Variants in PTPRM observed in about 807,000 individuals in gnomAD.
PTPRM encodes receptor-type tyrosine-protein phosphatase mu.
Under a neutral mutation model 186.7 loss-of-function variants are expected in PTPRM, and 47 were observed. The observed-to-expected ratio is 0.25, with a 90% confidence interval of 0.20 to 0.32. The LOEUF (loss-of-function observed/expected upper bound fraction) is 0.32. Ranked by LOEUF, PTPRM falls within the 10% of genes least tolerant of loss-of-function variation. PTPRM has a pLI of 1.00. For synonymous variants in PTPRM, 668 were observed against 674.9 expected, an observed-to-expected ratio of 0.99 and a Z score of 0.16; for missense variants, 1,494 against 1,865.0, an observed-to-expected ratio of 0.80 and a Z score of 3.66.
intron 7 of PTPRM, among the ~76,000 whole-genome samples, 169 bp downstream of exon 7, chr18:7,955,583 G>A (rs1279762773): frequency 6.6e-6 from 1 of 152,140 alleles, no homozygotes; most frequent in African/African-American, 2.4e-5. Context: ...TTGTGAACTT[G>A]GGGACCAGTA....
At chr18:7,977,616 A>G (rs887717477) in intron 7 of PTPRM, among the ~76,000 whole-genome samples, 8 of 152,192 alleles carry the variant, frequency 5.3e-5, no homozygotes, top group African/African-American at 1.9e-4. Context: ...CTTACTGCCC[A>G]TAATAAGAGA....
In PTPRM at chr18:7,567,757, C is replaced by T. The variant is rs1355486030; in HGVS notation, c.-62C>T. The T allele has an allele frequency of 4.9e-6, 7 of 1,431,760 alleles. No homozygotes were observed. Among genetic ancestry groups the T allele is most frequent in the Non-Finnish European group, 6.5e-6 (7 of 1,077,086 alleles). The allele number at this position is 1,431,760 out of a possible 1,614,324, so 88.7% of individuals were successfully genotyped here. On this transcript the variant is annotated 5_prime_UTR_variant, in exon 1 of 33. Coordinates refer to ENST00000580170, the MANE Select transcript of PTPRM (RefSeq NM_001105244.2). The surrounding 1 kb of genome is among the most constrained non-coding windows in gnomAD (Gnocchi z 4.3). The stretch of plus-strand genomic sequence containing the variant: ...TGCCTCGGAACCAAAGCTCCCGGCC[C>T]CCTCCGCCCTCGCGCGCCCACCCAC...
intron 8 of PTPRM, among the ~76,000 whole-genome samples, chr18:8,075,612 C>T (rs1486857136): frequency 6.6e-6 from 1 of 152,032 alleles, no homozygotes; most frequent in Non-Finnish European, 1.5e-5. Flanking sequence ...TGGCAAATGA[C>T]ATCTTCACTT....
At chr18:8,285,956 A>C (rs939718690) in intron 19 of PTPRM, among the ~76,000 whole-genome samples, 3 of 152,168 alleles carry the variant, frequency 2.0e-5, no homozygotes. Context: ...ACACCACTGC[A>C]CTCCAGCCTG....
At chr18:7,617,737 A>G (rs151208899) in intron 1 of PTPRM, among the ~76,000 whole-genome samples, 146 of 152,338 alleles carry the variant, frequency 9.6e-4, no homozygotes, top group African/African-American at 3.3e-3. Flanking sequence ...TTCCGCTGGT[A>G]TAAGCATTTC....
chr18:8,340,355 A>G (rs570250349), intron 22 of PTPRM, among the ~76,000 whole-genome samples: 6 of 152,138 alleles, frequency 3.9e-5, no homozygotes, highest in Admixed American at 1.3e-4. Flanking sequence ...TAATTTTAGC[A>G]TTGAAAAGAA....
intron 8 of PTPRM, among the ~76,000 whole-genome samples, chr18:8,074,031 G>A (rs551039468): frequency 2.2e-4 from 33 of 152,206 alleles, no homozygotes; most frequent in Non-Finnish European, 4.0e-4. Context: ...CAGAACCCGG[G>A]CCTCCCATAT....
intron 1 of PTPRM, among the ~76,000 whole-genome samples, chr18:7,643,824 T>C (rs1451951296): frequency 6.6e-6 from 1 of 152,214 alleles, no homozygotes; most frequent in African/African-American, 2.4e-5. Flanking sequence ...TCTCTTTTTC[T>C]TTTGACCATT....
At chr18:8,127,957 C>A (rs1175992603) in intron 13 of PTPRM, among the ~76,000 whole-genome samples, 2 of 152,122 alleles carry the variant, frequency 1.3e-5, no homozygotes, top group Non-Finnish European at 2.9e-5. Context: ...CATAAGCTTA[C>A]CAACACCTTG....
intron 1 of PTPRM, among the ~76,000 whole-genome samples, chr18:7,601,801 G>A (rs543570729): frequency 4.6e-5 from 7 of 152,264 alleles, no homozygotes; most frequent in African/African-American, 1.4e-4. Context: ...TGCTACACCC[G>A]GGTAACAGTA....
intron 5 of PTPRM, among the ~76,000 whole-genome samples, chr18:7,932,771 T>C (rs1432458064): frequency 6.6e-6 from 1 of 152,110 alleles, no homozygotes; most frequent in Admixed American, 6.5e-5. Context: ...TTATAAGTAA[T>C]GCACCAGAAT....
chr18:7,805,634 A>G (rs1320831581), intron 2 of PTPRM, among the ~76,000 whole-genome samples: 2 of 152,182 alleles, frequency 1.3e-5, no homozygotes, highest in African/African-American at 2.4e-5. Flanking sequence ...TTCTGTGTGC[A>G]GCTGTCTTAT....
At position 7,888,126 on chromosome 18, in the gene PTPRM, G is replaced by A. The variant is rs762068485; in HGVS notation, c.217G>A (p.Ala73Thr). 7.4e-6 allele frequency: 12 copies of A among 1,614,004 alleles called. No individual in the cohort carries two copies. Among genetic ancestry groups the A allele is most frequent in the South Asian group, 1.1e-5 (1 of 91,082 alleles). ...TGCAGGTTCTTTCATGCTGGTGAAT[G>A]CCTCTGGGAGACCTGAGGGGCAGAG... ...MPSGSFMLVN[A>T]SGRPEGQRAH... The change falls in exon 3 of 33, where the codon GCC (alanine) becomes ACC (threonine). Residue 73 changes from alanine (A) to threonine (T), a missense_variant. Physicochemically the swap from Ala to Thr is moderately conservative, Grantham distance 58. Around this residue, in one of 3 missense-constraint regions of PTPRM, gnomAD observed 296 missense variants for 345.5 expected, o/e 0.86. Coordinates refer to ENST00000580170, the MANE Select transcript of PTPRM (RefSeq NM_001105244.2).
intron 2 of PTPRM, among the ~76,000 whole-genome samples, chr18:7,803,086 T>G (rs1265617306): frequency 1.3e-5 from 2 of 152,088 alleles, no homozygotes; most frequent in African/African-American, 4.8e-5. Context: ...GGTGGGAGGA[T>G]GGGGAAAGGA....
chr18:8,208,533 A>G (rs1045172171), intron 14 of PTPRM, among the ~76,000 whole-genome samples: 1 of 151,668 alleles, frequency 6.6e-6, no homozygotes, highest in Non-Finnish European at 1.5e-5. Context: ...TTTTTTTTAA[A>G]CAGGGTCTCA....
intron 11 of PTPRM, among the ~76,000 whole-genome samples, chr18:8,093,460 T>C (rs1026452308): frequency 6.6e-6 from 1 of 152,178 alleles, no homozygotes; most frequent in Non-Finnish European, 1.5e-5. Context: ...AAATCTGATA[T>C]CATGAAAAAT....
intron 24 of PTPRM, among the ~76,000 whole-genome samples, chr18:8,372,282 G>T (rs982815364): frequency 2.8e-5 from 4 of 142,932 alleles, no homozygotes; most frequent in African/African-American, 1.1e-4. Flanking sequence ...CACCTTGTTA[G>T]CCAGGATGGT....
At chr18:7,691,068 A>G (rs982716380) in intron 1 of PTPRM, among the ~76,000 whole-genome samples, 2 of 152,162 alleles carry the variant, frequency 1.3e-5, no homozygotes, top group African/African-American at 4.8e-5. Context: ...CCACATCTCG[A>G]CTAAGTAATT....
At chr18:7,801,005 G>A (rs377117937) in intron 2 of PTPRM, among the ~76,000 whole-genome samples, 1 of 152,068 alleles carries the variant, frequency 6.6e-6, no homozygotes, top group East Asian at 1.9e-4. Context: ...AAGTTGCTCT[G>A]GATGGGTCAG....
Sources: gnomAD v4.1 joint callset for allele counts (sites outside exome capture counted in the v4.1 genomes callset) on GRCh38, gnomAD v4.1.1 for gene constraint, gnomAD v4.1.1 regional missense constraint, Gnocchi (gnomAD v3.1) non-coding constraint, MANE v1.5 for transcripts, NCBI Gene and HGNC (gene_info 2026-07-23, HGNC 2026-07-21) for gene names.